The following DDX39B variants were observed in gnomAD, a reference collection of about 807,000 sequenced individuals.
DDX39B encodes the protein spliceosome RNA helicase DDX39B.
Under a neutral mutation model 46.4 loss-of-function variants are expected in DDX39B, and 6 were observed. The ratio of observed to expected loss-of-function variants is 0.13; its 90% CI spans 0.07 to 0.26. DDX39B has a LOEUF of 0.26. DDX39B is among the 10% of genes least tolerant of loss of function. The probability of loss-of-function intolerance (pLI) is 1.00; values close to 1 mark genes in which losing one functional copy is unlikely to be tolerated. For missense variants in DDX39B, 185 were observed against 553.4 expected, an observed-to-expected ratio of 0.33 and a Z score of 6.68; for synonymous variants, 174 against 199.4, an observed-to-expected ratio of 0.87 and a Z score of 1.07.
chr6:31,540,190 T>G (rs1175792383), intron 2 of DDX39B, 132 bp downstream of exon 2: 2 of 991,832 alleles, frequency 2.0e-6, no homozygotes, highest in Non-Finnish European at 3.0e-6. Context: ...ATTACAGGCG[T>G]GAGCCACTGC....
At position 31,531,263 on chromosome 6, in the gene DDX39B, G is replaced by A. The variant is rs1195999352; in HGVS notation, c.977+33C>T. The A allele has an allele frequency of 3.1e-6, 5 of 1,614,052 alleles. 1 individual carries two copies. In the South Asian group the frequency reaches 5.5e-5, roughly 18 times the overall value. ...TCTCTCAACTGTCTTTTTCTCCCAA[G>A]GACACAAAATATCTTTCCCATCTTC... On this transcript the variant is annotated intron_variant, in intron 8 of 10. Coordinates refer to ENST00000396172, the MANE Select transcript of DDX39B (RefSeq NM_004640.7). The surrounding 1 kb of genome is among the most constrained non-coding windows in gnomAD (Gnocchi z 5.8).
chr6:31,534,952 G>GAAGT lies in DDX39B; in HGVS notation c.735+411_735+414dup. 1 of 267,468 alleles carries GAAGT rather than the reference G, an allele frequency of 3.7e-6. No homozygotes were observed. Among genetic ancestry groups the GAAGT allele is most frequent in the South Asian group, 4.3e-5 (1 of 23,064 alleles). The allele number at this position is 267,468 out of a possible 1,614,324, so 16.6% of individuals were successfully genotyped here. On this transcript the variant is annotated intron_variant, in intron 6 of 10. Transcript: ENST00000396172. The surrounding 1 kb of genome is among the most constrained non-coding windows in gnomAD (Gnocchi z 5.1). ...CCCTCTCTTGCTCTCCTGCCACCGGGAAGTAGGAGTTTTGGTGAGCAGAAG... is the reference window on the plus strand; with the variant it reads ...CCCTCTCTTGCTCTCCTGCCACCGGGAAGTAAGTAGGAGTTTTGGTGAGCAGAAG...
intron 5 of DDX39B, 22 bp downstream of exon 5, chr6:31,536,478 A>C: frequency 5.0e-6 from 8 of 1,613,154 alleles, no homozygotes; most frequent in Non-Finnish European, 6.8e-6. Context: ...AGCATTAGCC[A>C]AGCCCCAGCA....
intron 7 of DDX39B, 195 bp downstream of exon 7, chr6:31,532,585 A>T: frequency 1.6e-6 from 1 of 624,680 alleles, no homozygotes; most frequent in Middle Eastern, 4.6e-4. Context: ...GTTATTGAGG[A>T]CATACCCGTG....
At position 31,536,444 on chromosome 6, in the gene DDX39B, T is replaced by C. The variant is rs566490834; in HGVS notation, c.616+56A>G. ...GTGCTCCTGTTTCAAATAAACATCA[T>C]TTGGCTCCAAAGAACAACTCCCCAG... is the stretch of plus-strand genomic sequence containing the variant. On this transcript the variant is annotated intron_variant, in intron 5 of 10. Coordinates refer to ENST00000396172, the MANE Select transcript of DDX39B (RefSeq NM_004640.7). 318 of 1,610,606 alleles carry C rather than the reference T, an allele frequency of 2.0e-4. 4 individuals are homozygous for C. The South Asian group carries it at 3.3e-3, about 17-fold the overall frequency.
chr6:31,531,616 G>GGTA lies in DDX39B; in HGVS notation c.868-214_868-212dup. The GGTA allele has an allele frequency of 1.8e-6, 1 of 567,096 alleles. No homozygotes were observed. The highest frequency in any genetic ancestry group is 3.1e-6 in the Non-Finnish European group (1 of 322,500). 35.1% of individuals were successfully genotyped at this position (567,096 alleles called of 1,614,324 possible). A position where few individuals can be genotyped will look rare whatever the true frequency, so the allele number is the denominator to read the frequency against. ...TTTCCCTAAGGAAGCTGGCCTCTGA[G>GGTA]GTAGCACAGAGTTCAGAAATCAAAA... is the stretch of plus-strand genomic sequence containing the variant. On this transcript the variant is annotated intron_variant, in intron 7 of 10. Coordinates refer to ENST00000396172, the MANE Select transcript of DDX39B (RefSeq NM_004640.7). The surrounding 1 kb of genome is among the most constrained non-coding windows in gnomAD (Gnocchi z 5.8).
rs1767574429 is a variant in DDX39B at position 31,534,620 on chromosome 6, C to G, written c.735+747G>C. On this transcript the variant is annotated intron_variant, in intron 6 of 10. Transcript: ENST00000396172. This position sits in a 1 kb window ranked among gnomAD's most constrained non-coding sequence, Gnocchi z 5.1. ...AACGGGGCACGGCACGCGTTGGGTT[C>G]AGGAAAAAAACCGGGAACGGAAAAA... is the stretch of plus-strand genomic sequence containing the variant. 4 of 384,622 alleles carry G rather than the reference C, an allele frequency of 1.0e-5. No homozygotes were observed. The highest frequency in any genetic ancestry group is 1.0e-5 in the Non-Finnish European group (2 of 192,008). The allele number at this position is 384,622 out of a possible 1,614,324, so 23.8% of individuals were successfully genotyped here. A position where few individuals can be genotyped will look rare whatever the true frequency, so the allele number is the denominator to read the frequency against.
chr6:31,540,680 A>G lies in DDX39B; in HGVS notation c.-132-16T>C. On this transcript the variant is annotated splice_polypyrimidine_tract_variant and intron_variant, in intron 1 of 10. Transcript: ENST00000396172. ...AACAGAAGAGCTGGAGGGGGGAAAA[A>G]AAAAAGCAAGACTTAATCACGAGCA... 1 of 694,564 alleles carries G rather than the reference A, an allele frequency of 1.4e-6. No homozygotes were observed. 43.0% of individuals were successfully genotyped at this position (694,564 alleles called of 1,614,324 possible). A position where few individuals can be genotyped will look rare whatever the true frequency, so the allele number is the denominator to read the frequency against.
chr6:31,530,507 G>A lies in DDX39B; in HGVS notation c.1271-57C>T, dbSNP rs956603379. 10 of 1,609,656 alleles carry A rather than the reference G, an allele frequency of 6.2e-6. No homozygotes were observed. The highest frequency in any genetic ancestry group is 8.5e-6 in the Non-Finnish European group (10 of 1,177,490). ...GGCATGAAAAGGGGAAAGTGAGGCA[G>A]GAACACACGGCACACATGCAGACAC... On this transcript the variant is annotated intron_variant, in intron 10 of 10. Coordinates refer to ENST00000396172, the MANE Select transcript of DDX39B (RefSeq NM_004640.7). The surrounding 1 kb of genome is among the most constrained non-coding windows in gnomAD (Gnocchi z 4.5).
chr6:31,536,756 G>A, intron 4 of DDX39B, 73 bp from the exon 5 acceptor site: 1 of 1,536,410 alleles, frequency 6.5e-7, no homozygotes, highest in South Asian at 1.2e-5. Context: ...TTCCCACTCT[G>A]TTTGAGCTAA....
At chr6:31,541,910 G>A in intron 1 of DDX39B, 40 bp downstream of exon 1, 1 of 638,422 alleles carries the variant, frequency 1.6e-6, no homozygotes, top group East Asian at 2.7e-5. Context: ...GTGCGGAGAA[G>A]CGCAGATGGA....
At chr6:31,540,242 A>T in intron 2 of DDX39B, 80 bp downstream of exon 2, 1 of 1,472,362 alleles carries the variant, frequency 6.8e-7, no homozygotes, top group Non-Finnish European at 9.4e-7. Context: ...CCTTACCACC[A>T]CCTGAGCAAC....
Position 31,531,171 on chromosome 6 carries a change from T to G in DDX39B, c.1004A>C (p.Asp335Ala). The stretch of plus-strand genomic sequence containing the variant: ...AGCCACAAGAATTCGTCGTTGAAAA[T>G]CTTTAAACTGCTGATACCGAGAAAG... The part of the protein sequence containing the change: ...ERLSRYQQFK[D>A]FQRRILVATN... Residue 335 changes from aspartate (D) to alanine (A), a missense_variant, in exon 9 of 11, where the codon GAT becomes GCT. Asp to Ala is a moderately radical substitution (Grantham distance 126). Around this residue, in one of 5 missense-constraint regions of DDX39B, gnomAD observed 110 missense variants for 282.2 expected, o/e 0.39. Transcript: ENST00000396172. This position sits in a 1 kb window ranked among gnomAD's most constrained non-coding sequence, Gnocchi z 5.8. 6.2e-7 allele frequency: 1 copy of G among 1,614,154 alleles called. No individual in the cohort carries two copies.
intron 3 of DDX39B, 105 bp downstream of exon 3, chr6:31,539,042 G>A: frequency 3.8e-6 from 6 of 1,591,586 alleles, no homozygotes; most frequent in Non-Finnish European, 5.2e-6. Context: ...GGGTAACAGA[G>A]GTCATGTGCT....
rs1305811401 is a variant in DDX39B, at chr6:31,539,002, GAAC to G, written c.339+142_339+144del. 7 of 1,511,800 alleles carry G rather than the reference GAAC, an allele frequency of 4.6e-6. No individual in the cohort carries two copies. The African/African-American group carries it at 5.5e-5, about 12-fold the overall frequency. 93.6% of individuals were successfully genotyped at this position (1,511,800 alleles called of 1,614,324 possible). A position where few individuals can be genotyped will look rare whatever the true frequency, so the allele number is the denominator to read the frequency against. ...AATCATGAACCCCACGCTTGCGACA[GAAC>G]ATCCCCCACAGCTGTCAGGTTGTCA... is the stretch of plus-strand genomic sequence containing the variant. On this transcript the variant is annotated intron_variant, in intron 3 of 10. Transcript: ENST00000396172.
chr6:31,535,309 G>T lies in DDX39B; in HGVS notation c.735+58C>A. The T allele has an allele frequency of 6.6e-7, 1 of 1,525,172 alleles. No homozygotes were observed. Among genetic ancestry groups the T allele is most frequent in the Non-Finnish European group, 9.1e-7 (1 of 1,099,902 alleles). 94.5% of individuals were successfully genotyped at this position (1,525,172 alleles called of 1,614,324 possible). ...CAAGGGAGTCTGAGGAAGAGGGCGA[G>T]GAAGGGGAGGAGGCAGCGGGCGGGG... is the stretch of plus-strand genomic sequence containing the variant. On this transcript the variant is annotated intron_variant, in intron 6 of 10. Transcript: ENST00000396172. The surrounding 1 kb of genome is among the most constrained non-coding windows in gnomAD (Gnocchi z 4.6).
chr6:31,531,362 G>C lies in DDX39B; in HGVS notation c.911C>G (p.Ala304Gly). 6.2e-7 allele frequency: 1 copy of C among 1,614,112 alleles called. No homozygotes were observed. Among genetic ancestry groups the C allele is most frequent in the Middle Eastern group, 1.6e-4 (1 of 6,062 alleles). Reference protein sequence around the residue: ...VKSVQRCIALAQLLVEQNFPA... With the variant: ...VKSVQRCIALGQLLVEQNFPA... ...GAAGTTCTGCTCCACTAGTAGCTGG[G>C]CCAAGGCAATGCACCGCTGCACAGA... The change falls in exon 8 of 11, where the codon GCC becomes GGC. Residue 304 changes from alanine to glycine, a missense_variant. This residue lies in a region of DDX39B where 110 missense variants were observed against 282.2 expected (regional missense o/e 0.39). Coordinates refer to ENST00000396172, the MANE Select transcript of DDX39B (RefSeq NM_004640.7). The surrounding 1 kb of genome is among the most constrained non-coding windows in gnomAD (Gnocchi z 5.8).
intron 7 of DDX39B, 56 bp downstream of exon 7, chr6:31,532,724 T>C (rs1767311712): frequency 1.3e-6 from 2 of 1,591,976 alleles, no homozygotes; most frequent in Non-Finnish European, 1.7e-6. Context: ...ATATCCAGGT[T>C]TCTGCTACAG....
At chr6:31,536,279 A>G in intron 5 of DDX39B, 1 of 696,962 alleles carries the variant, frequency 1.4e-6, no homozygotes, top group Non-Finnish European at 2.6e-6. Context: ...AAAGTCCCCT[A>G]TTCTCAAAGG....
Sources: gnomAD v4.1 joint callset for allele counts on GRCh38, gnomAD v4.1.1 for gene constraint, gnomAD v4.1.1 regional missense constraint, Gnocchi (gnomAD v3.1) non-coding constraint, MANE v1.5 for transcripts, NCBI Gene and HGNC (gene_info 2026-07-23, HGNC 2026-07-21) for gene names.